Variants in SLC5A4 observed in about 807,000 individuals in gnomAD.
SLC5A4 encodes probable glucose sensor protein SLC5A4.
Under a neutral mutation model 70.3 loss-of-function variants are expected in SLC5A4, and 55 were observed. The observed-to-expected ratio is 0.78, with a 90% confidence interval of 0.63 to 0.98. The LOEUF (loss-of-function observed/expected upper bound fraction) is 0.98, where lower values mean the gene tolerates loss of function less well. SLC5A4 is among the 50% of genes least tolerant of loss of function. SLC5A4 has a pLI of 0.00. For missense variants in SLC5A4, 735 were observed against 839.2 expected, an observed-to-expected ratio of 0.88 and a Z score of 1.53; for synonymous variants, 268 against 305.7, an observed-to-expected ratio of 0.88 and a Z score of 1.29.
At chr22:32,312,923 C>T in the SLC5A4 span, among the ~76,000 whole-genome samples, 1 of 152,254 alleles carries the variant, frequency 6.6e-6, no homozygotes, top group Admixed American at 6.5e-5. Context: ...ATCCAGGTTT[C>T]CTCTGAACAC....
At chr22:32,302,895 C>T in the SLC5A4 span, among the ~76,000 whole-genome samples, 1 of 152,192 alleles carries the variant, frequency 6.6e-6, no homozygotes, top group African/African-American at 2.4e-5. Flanking sequence ...TTGGAGATAA[C>T]TGACATCAAT....
Position 32,242,072 on chromosome 22 carries a change from T to G in SLC5A4, c.478-2982A>C, listed in dbSNP as rs537380287. ...TAGCTGCCTAGAAAGTATATGTATGTGTGTGTGTGAATATATCTATTTATG... is the reference window on the plus strand; with the variant it reads ...TAGCTGCCTAGAAAGTATATGTATGGGTGTGTGTGAATATATCTATTTATG... On this transcript the variant is annotated intron_variant, in intron 5 of 14. Coordinates refer to ENST00000266086, the MANE Select transcript of SLC5A4 (RefSeq NM_014227.3). 5.3e-5 allele frequency among the ~76,000 whole-genome samples: 8 copies of G among 152,176 alleles called. No homozygotes were observed. In the East Asian group the frequency reaches 1.5e-3, roughly 29 times the overall value.
At chr22:32,351,130 G>A in the SLC5A4 span, among the ~76,000 whole-genome samples, 5 of 152,088 alleles carry the variant, frequency 3.3e-5, no homozygotes, top group African/African-American at 1.2e-4. Flanking sequence ...GAAAATGGTG[G>A]CAGAGAAATA....
chr22:32,273,988 C>T, the SLC5A4 span, among the ~76,000 whole-genome samples: 1 of 151,112 alleles, frequency 6.6e-6, no homozygotes, highest in African/African-American at 2.4e-5. Flanking sequence ...AAAACAAGTA[C>T]AGAAAACTGT....
the SLC5A4 span, among the ~76,000 whole-genome samples, chr22:32,314,052 G>C: frequency 2.6e-5 from 4 of 152,184 alleles, no homozygotes; most frequent in Non-Finnish European, 5.9e-5. Context: ...AGTCAAGGGA[G>C]TGGCTCCGAC....
At chr22:32,287,501 T>C in the SLC5A4 span, among the ~76,000 whole-genome samples, 2,456 of 152,222 alleles carry the variant, frequency 0.016, 62 homozygotes, top group African/African-American at 0.055. Context: ...TACTTCATCA[T>C]TGAATATCGG....
chr22:32,280,090 A>G, the SLC5A4 span, among the ~76,000 whole-genome samples: 1 of 152,174 alleles, frequency 6.6e-6, no homozygotes, highest in Non-Finnish European at 1.5e-5. Flanking sequence ...ATCTCTGCTC[A>G]CTGCAACCTT....
chr22:32,238,582 T>C (rs1331737320), intron 6 of SLC5A4, among the ~76,000 whole-genome samples: 3 of 152,148 alleles, frequency 2.0e-5, no homozygotes, highest in Non-Finnish European at 4.4e-5. Context: ...ACTGCACCAT[T>C]CATGGCCATG....
At chr22:32,340,747 A>C in the SLC5A4 span, among the ~76,000 whole-genome samples, 1 of 152,248 alleles carries the variant, frequency 6.6e-6, no homozygotes, top group South Asian at 2.1e-4. Flanking sequence ...TCGGGAGATG[A>C]GGACAGAGGG....
At chr22:32,223,009 CTATATGCCTACA>C (rs1162807839) in intron 13 of SLC5A4, among the ~76,000 whole-genome samples, 5 of 152,132 alleles carry the variant, frequency 3.3e-5, no homozygotes, top group Non-Finnish European at 5.9e-5. Context: ...AGACAAACAT[CTATATGCCTACA>C]TGTGTTTTAT....
chr22:32,251,149 C>CAAAAAAAAAAAAAAAAAAAAAA (rs1169115054), intron 3 of SLC5A4, among the ~76,000 whole-genome samples: 2 of 22,768 alleles, frequency 8.8e-5, no homozygotes, highest in Non-Finnish European at 1.7e-4. Flanking sequence ...AACAAATAAG[C>CAAAAAAAAAAAAAAAAAAAAAA]AAAAAAAAAA....
At chr22:32,317,849 G>A in the SLC5A4 span, among the ~76,000 whole-genome samples, 1 of 152,160 alleles carries the variant, frequency 6.6e-6, no homozygotes, top group African/African-American at 2.4e-5. Flanking sequence ...CATAGAAGGT[G>A]GAGGTGACTG....
At chr22:32,273,936 G>T in the SLC5A4 span, among the ~76,000 whole-genome samples, 1 of 151,920 alleles carries the variant, frequency 6.6e-6, no homozygotes, top group Admixed American at 6.6e-5. Flanking sequence ...GAAGGCCCAG[G>T]GATATGAACA....
At chr22:32,289,201 T>G in the SLC5A4 span, among the ~76,000 whole-genome samples, 2 of 152,318 alleles carry the variant, frequency 1.3e-5, no homozygotes, top group East Asian at 3.9e-4. Flanking sequence ...TACATTTTTT[T>G]GTATCTCTTG....
the SLC5A4 span, chr22:32,277,311 C>G: frequency 6.6e-6 from 1 of 152,128 alleles, no homozygotes. Flanking sequence ...TGAGTGTGAT[C>G]TTTTAATAAA....
At chr22:32,255,147 C>T (rs779067529) in intron 1 of SLC5A4, 48 bp downstream of exon 1, 2 of 1,576,604 alleles carry the variant, frequency 1.3e-6, no homozygotes, top group Non-Finnish European at 1.7e-6. Context: ...TAAGATACCC[C>T]CTCCTAAACC....
At chr22:32,338,036 C>T in the SLC5A4 span, among the ~76,000 whole-genome samples, 1 of 150,848 alleles carries the variant, frequency 6.6e-6, no homozygotes, top group Non-Finnish European at 1.5e-5. Flanking sequence ...AGCCCCATCT[C>T]ATACTGGATA....
chr22:32,348,199 AG>A, the SLC5A4 span, among the ~76,000 whole-genome samples: 5 of 152,230 alleles, frequency 3.3e-5, no homozygotes, highest in African/African-American at 1.2e-4. Context: ...GCCCCACCCC[AG>A]GACTTCGCTC....
At chr22:32,253,030 A>G (rs967342146) in intron 2 of SLC5A4, among the ~76,000 whole-genome samples, 4 of 152,156 alleles carry the variant, frequency 2.6e-5, no homozygotes, top group Non-Finnish European at 5.9e-5. Flanking sequence ...GCCTCCTTGC[A>G]TGTTTCACTA....
Sources: allele counts gnomAD v4.1 joint callset (sites outside exome capture counted in the v4.1 genomes callset), GRCh38; gene constraint gnomAD v4.1.1; transcripts MANE v1.5; gene names NCBI Gene and HGNC (gene_info 2026-07-23, HGNC 2026-07-21).